MYO1F: variants seen among roughly 807,000 people sequenced by gnomAD.
MYO1F encodes the protein myosin IF.
MYO1F carries 60 observed loss-of-function variants against 146.6 expected under a neutral mutation model. The ratio of observed to expected loss-of-function variants is 0.41; its 90% CI spans 0.33 to 0.51. MYO1F has a LOEUF of 0.51. Ranked by LOEUF, MYO1F falls within the 20% of genes least tolerant of loss-of-function variation. MYO1F has a pLI of 0.25. For synonymous variants in MYO1F, 602 were observed against 602.1 expected, an observed-to-expected ratio of 1.00 and a Z score of 0.00; for missense variants, 1,274 against 1,534.3, an observed-to-expected ratio of 0.83 and a Z score of 2.83.
chr19:8,543,729 G>C (rs531579598), intron 14 of MYO1F, among the ~76,000 whole-genome samples: 1 of 12,008 alleles, frequency 8.3e-5, no homozygotes, highest in Non-Finnish European at 1.6e-4. Flanking sequence ...GGTGGTGCTG[G>C]TGGTGCTGGT....
chr19:8,531,708 T>C, intron 19 of MYO1F, among the ~76,000 whole-genome samples: 1 of 152,238 alleles, frequency 6.6e-6, no homozygotes, highest in East Asian at 1.9e-4. Context: ...AGAAACGGTA[T>C]GATGTCACGG....
In MYO1F at chr19:8,522,412, A is replaced by C; in HGVS notation, c.3185T>G (p.Phe1062Cys). ...GATCTCAATGACCTCGTTCACGTTG[A>C]AGCTCAGCTCGTCCACATCTTGGCC... ...YVGQDVDELS[F>C]NVNEVIEILM... The change falls in exon 27 of 28, where the codon TTC (phenylalanine) becomes TGC (cysteine). Residue 1062 changes from phenylalanine (F) to cysteine (C), a missense_variant. Phe to Cys is a radical substitution (Grantham distance 205). Around this residue, in one of 2 missense-constraint regions of MYO1F, gnomAD observed 374 missense variants for 379.2 expected, o/e 0.99. Coordinates refer to ENST00000644032, the MANE Select transcript of MYO1F (RefSeq NM_012335.4). The C allele has an allele frequency of 1.2e-6, 2 of 1,614,144 alleles. No homozygotes were observed. Among genetic ancestry groups the C allele is most frequent in the Non-Finnish European group, 8.5e-7 (1 of 1,180,020 alleles).
chr19:8,527,750 C>T (rs1972328257), intron 21 of MYO1F, among the ~76,000 whole-genome samples: 2 of 152,098 alleles, frequency 1.3e-5, no homozygotes, highest in Non-Finnish European at 2.9e-5. Flanking sequence ...GTAGCTGGGA[C>T]CACAGGTGCG....
chr19:8,546,598 G>A (rs772244325), intron 12 of MYO1F, among the ~76,000 whole-genome samples: 2 of 151,984 alleles, frequency 1.3e-5, no homozygotes, highest in African/African-American at 2.4e-5. Context: ...AGGCTCAAGC[G>A]ATCCTCTTAA....
chr19:8,522,731 GA>G lies in MYO1F; in HGVS notation c.2952del (p.Pro985ArgfsTer76). On this transcript the variant is annotated frameshift_variant, in exon 26 of 28. Coordinates refer to ENST00000644032, the MANE Select transcript of MYO1F (RefSeq NM_012335.4). LOFTEE classifies it high-confidence loss of function. ...GGGTHRPPRGPPSTSLGASRR... is the reference protein window; with the variant it reads ...GGGTHRPPRGXPSTSLGASRR... ...CTGCTGGCTCCCAGGGATGTGGACG[GA>G]GGGCCCCGGGGAGGCCTGTGGGTGC... is the stretch of plus-strand genomic sequence containing the variant. The G allele has an allele frequency of 6.2e-7, 1 of 1,613,208 alleles. No homozygotes were observed. The highest frequency in any genetic ancestry group is 8.5e-7 in the Non-Finnish European group (1 of 1,179,862).
intron 1 of MYO1F, among the ~76,000 whole-genome samples, chr19:8,576,180 G>T (rs2042236615): frequency 6.6e-6 from 1 of 152,136 alleles, no homozygotes; most frequent in South Asian, 2.1e-4. Flanking sequence ...GTATTTTTTA[G>T]TAGAGACGAG....
chr19:8,542,000 G>C lies in MYO1F; in HGVS notation c.1525-9C>G, dbSNP rs1386884050. ...CTGACGTCGTAGGAGACCTGGAGGG[G>C]ACAGTGCTGAGGACAGTGAGGGACT... On this transcript the variant is annotated splice_polypyrimidine_tract_variant and intron_variant, in intron 14 of 27. Coordinates refer to ENST00000644032, the MANE Select transcript of MYO1F (RefSeq NM_012335.4). 1 of 1,610,752 alleles carries C rather than the reference G, an allele frequency of 6.2e-7. No homozygotes were observed. Among genetic ancestry groups the C allele is most frequent in the Non-Finnish European group, 8.5e-7 (1 of 1,177,956 alleles).
chr19:8,561,196 T>G (rs1043058414), intron 1 of MYO1F, among the ~76,000 whole-genome samples: 1 of 152,116 alleles, frequency 6.6e-6, no homozygotes, highest in Non-Finnish European at 1.5e-5. Context: ...AGAAGGGTTT[T>G]GATAAACAGC....
chr19:8,561,220 G>GC (rs1245908743), intron 1 of MYO1F, among the ~76,000 whole-genome samples: 1 of 152,038 alleles, frequency 6.6e-6, no homozygotes, highest in African/African-American at 2.4e-5. Context: ...GAGAAAGGGT[G>GC]CACCAGTCAG....
chr19:8,536,429 C>T (rs1972716297), intron 18 of MYO1F, 33 bp from the exon 19 acceptor site: 2 of 1,607,902 alleles, frequency 1.2e-6, no homozygotes, highest in East Asian at 2.2e-5. Flanking sequence ...TGGGAGTGCT[C>T]ATAGCAGACA....
intron 1 of MYO1F, chr19:8,576,669 C>T (rs1205496330): frequency 6.4e-6 from 1 of 156,934 alleles, no homozygotes; most frequent in African/African-American, 2.4e-5. Flanking sequence ...TAAGGGATGC[C>T]CACCAAAGGG....
rs200542253 is a variant in MYO1F, at chr19:8,526,939, G to A, written c.2475-4C>T. 129 of 1,613,790 alleles carry A rather than the reference G, an allele frequency of 8.0e-5. No homozygotes were observed. The highest frequency in any genetic ancestry group is 4.3e-4 in the Admixed American group (26 of 60,004). ...GAAGAAGTCGTCCTGTCGCGTGCTGGGGAGGGGCGGGTGAGAGCGTCAGGT... is the reference window on the plus strand; with the variant it reads ...GAAGAAGTCGTCCTGTCGCGTGCTGAGGAGGGGCGGGTGAGAGCGTCAGGT... On this transcript the variant is annotated splice_polypyrimidine_tract_variant and splice_region_variant and intron_variant, in intron 22 of 27. Coordinates refer to ENST00000644032, the MANE Select transcript of MYO1F (RefSeq NM_012335.4).
chr19:8,530,491 G>C lies in MYO1F; in HGVS notation c.2126C>G (p.Ala709Gly). ...CCGCATCTCCTCGTACTTCCGGACA[G>C]CCACGTGGCGCCGCCAGGCCTTCTG... is the stretch of plus-strand genomic sequence containing the variant. ...TIQKAWRRHV[A>G]VRKYEEMREE... The change falls in exon 20 of 28, where the codon GCT (alanine) becomes GGT (glycine). Residue 709 changes from alanine (A) to glycine (G), a missense_variant. Transcript: ENST00000644032. The surrounding 1 kb of genome is among the most constrained non-coding windows in gnomAD (Gnocchi z 5.8). The C allele has an allele frequency of 6.2e-7, 1 of 1,613,726 alleles. No homozygotes were observed. Among genetic ancestry groups the C allele is most frequent in the Non-Finnish European group, 8.5e-7 (1 of 1,180,028 alleles).
At chr19:8,529,188 A>C (rs1457715583) in intron 21 of MYO1F, among the ~76,000 whole-genome samples, 1 of 152,258 alleles carries the variant, frequency 6.6e-6, no homozygotes, top group Middle Eastern at 3.4e-3. Context: ...ATCCAGGTAA[A>C]GATGGTATAT....
At chr19:8,559,991 C>T (rs369112367) in intron 1 of MYO1F, among the ~76,000 whole-genome samples, 69 of 149,568 alleles carry the variant, frequency 4.6e-4, no homozygotes, top group African/African-American at 1.4e-3. Flanking sequence ...TAACACTCAG[C>T]GAGCACCTAT....
At chr19:8,547,983 TC>T in intron 12 of MYO1F, 52 bp downstream of exon 12, 1 of 1,371,034 alleles carries the variant, frequency 7.3e-7, no homozygotes. Flanking sequence ...TCATGGTCCT[TC>T]CACCCCACCC....
rs1386884050 is a variant in MYO1F, at chr19:8,542,000, G to T, written c.1525-9C>A. On this transcript the variant is annotated splice_polypyrimidine_tract_variant and intron_variant, in intron 14 of 27. Transcript: ENST00000644032. ...CTGACGTCGTAGGAGACCTGGAGGG[G>T]ACAGTGCTGAGGACAGTGAGGGACT... 1.2e-6 allele frequency: 2 copies of T among 1,610,750 alleles called. No individual in the cohort carries two copies.
At position 8,536,359 on chromosome 19, in the gene MYO1F, G is replaced by A. The variant is rs755378609; in HGVS notation, c.1936C>T (p.Arg646Cys). ...TGGACGCCCTGGCGTTCGTCCCCAC[G>A]CCACCGCGGCCACGTCTCGGGGGTC... is the stretch of plus-strand genomic sequence containing the variant. ...ILTPETWPRWRGDERQGVQHL... is the reference protein window; with the variant it reads ...ILTPETWPRWCGDERQGVQHL... The change falls in exon 19 of 28, where the codon CGT (arginine) becomes TGT (cysteine). Residue 646 changes from arginine to cysteine, a missense_variant. By Grantham distance (180) the Arg-to-Cys change is radical. Around this residue, in one of 2 missense-constraint regions of MYO1F, gnomAD observed 900 missense variants for 1,155.1 expected, o/e 0.78. Transcript: ENST00000644032. 24 of 1,605,984 alleles carry A rather than the reference G, an allele frequency of 1.5e-5. No individual in the cohort carries two copies. Among genetic ancestry groups the A allele is most frequent in the African/African-American group, 1.2e-4 (9 of 74,718 alleles).
chr19:8,542,303 C>CG lies in MYO1F; in HGVS notation c.1525-313dup, dbSNP rs564090560. On this transcript the variant is annotated intron_variant, in intron 14 of 27. Coordinates refer to ENST00000644032, the MANE Select transcript of MYO1F (RefSeq NM_012335.4). ...GAGAGCTGCAGCTTGCATCAGAGGC[C>CG]GGGGGGCGGTGAAAGTTATAGCTCA... Among the ~76,000 whole-genome samples the CG allele has an allele frequency of 7.4e-3, 729 of 99,174 alleles. 4 individuals carry two copies. The highest frequency in any genetic ancestry group is 0.028 in the African/African-American group (682 of 24,434). The allele number at this position is 99,174 out of a possible 152,430, so 65.1% of individuals were successfully genotyped here.
Sources: allele counts gnomAD v4.1 joint callset (sites outside exome capture counted in the v4.1 genomes callset), GRCh38; gene constraint gnomAD v4.1.1; regional missense constraint gnomAD v4.1.1; non-coding constraint Gnocchi (gnomAD v3.1); transcripts MANE v1.5; gene names NCBI Gene and HGNC (gene_info 2026-07-23, HGNC 2026-07-21).